The following FAM135B variants were observed in gnomAD, a reference collection of about 807,000 sequenced individuals.
FAM135B encodes family with sequence similarity 135 member B, also known as protein FAM135B.
In FAM135B, 43 loss-of-function variants were observed where a neutral mutation model predicts 127.7. That is an observed-to-expected ratio of 0.34 (90% CI 0.26 to 0.43). The LOEUF (loss-of-function observed/expected upper bound fraction) is 0.43. FAM135B is among the 20% of genes least tolerant of loss of function. The probability of loss-of-function intolerance (pLI) is 1.00; values close to 1 mark genes in which losing one functional copy is unlikely to be tolerated. For synonymous variants in FAM135B, 670 were observed against 665.1 expected (o/e 1.01, Z -0.11); for missense variants, 1,558 against 1,725.6 (o/e 0.90, Z 1.72).
intron 1 of FAM135B, among the ~76,000 whole-genome samples, chr8:138,483,309 C>T (rs1042343012): frequency 4.6e-5 from 7 of 152,192 alleles, no homozygotes; most frequent in Admixed American, 3.3e-4. Context: ...GGCTGAGCAA[C>T]CTGTCCTGGG....
chr8:138,418,435 C>T (rs13277602), intron 1 of FAM135B, among the ~76,000 whole-genome samples: 10,262 of 151,752 alleles, frequency 0.068, 784 homozygotes, highest in East Asian at 0.26. Flanking sequence ...TTCAGAAAAT[C>T]CAGAAAACTG....
intron 1 of FAM135B, among the ~76,000 whole-genome samples, chr8:138,371,677 C>T (rs368590073): frequency 9.9e-5 from 15 of 152,258 alleles, no homozygotes; most frequent in African/African-American, 2.6e-4. Flanking sequence ...GAACCTCCCA[C>T]GAAACATCAG....
In FAM135B at chr8:138,243,524, T is replaced by C. The variant is rs553008461; in HGVS notation, c.543-456A>G. ...AAGCATAAAACATCTTCCTCCATGATCCGCATGAGAGTCTAATACGATGTC... is the reference window on the plus strand; with the variant it reads ...AAGCATAAAACATCTTCCTCCATGACCCGCATGAGAGTCTAATACGATGTC... On this transcript the variant is annotated intron_variant, in intron 6 of 19. Coordinates refer to ENST00000395297, the MANE Select transcript of FAM135B (RefSeq NM_015912.4). The surrounding 1 kb of genome is among the most constrained non-coding windows in gnomAD (Gnocchi z 7.5). 6.6e-6 allele frequency among the ~76,000 whole-genome samples: 1 copy of C among 152,314 alleles called. No individual in the cohort carries two copies. The highest frequency in any genetic ancestry group is 2.4e-5 in the African/African-American group (1 of 41,564).
intron 19 of FAM135B, among the ~76,000 whole-genome samples, chr8:138,134,857 A>G (rs181559536): frequency 2.8e-4 from 42 of 152,348 alleles, no homozygotes; most frequent in Middle Eastern, 3.4e-3. Context: ...TAACAGGAAG[A>G]TTAATCAATT....
chr8:138,312,158 T>C (rs1826734753), intron 2 of FAM135B, among the ~76,000 whole-genome samples: 3 of 151,952 alleles, frequency 2.0e-5, no homozygotes, highest in African/African-American at 7.3e-5. Flanking sequence ...TGTTGGTCAG[T>C]CTGGTCTTGA....
intron 1 of FAM135B, among the ~76,000 whole-genome samples, chr8:138,496,410 TG>T (rs1319872178): frequency 6.6e-6 from 1 of 152,184 alleles, no homozygotes; most frequent in Non-Finnish European, 1.5e-5. Flanking sequence ...CTGGGACTCC[TG>T]GGGGGAACCC....
chr8:138,433,864 G>A (rs977988725), intron 1 of FAM135B, among the ~76,000 whole-genome samples: 2 of 152,176 alleles, frequency 1.3e-5, no homozygotes, highest in African/African-American at 2.4e-5. Flanking sequence ...AGGACAGAGA[G>A]GGTGAAGTCT....
chr8:138,337,476 AGG>A (rs1401958779), intron 2 of FAM135B, among the ~76,000 whole-genome samples: 1 of 151,094 alleles, frequency 6.6e-6, no homozygotes, highest in Non-Finnish European at 1.5e-5. Flanking sequence ...AGACAAACAG[AGG>A]GCCAAATCAT....
chr8:138,493,378 C>T (rs1241752091), intron 1 of FAM135B, among the ~76,000 whole-genome samples: 5 of 152,102 alleles, frequency 3.3e-5, no homozygotes, highest in African/African-American at 9.7e-5. Flanking sequence ...TTCTTCTTCT[C>T]TTGTAGAACT....
At chr8:138,461,742 A>G (rs1837132695) in intron 1 of FAM135B, among the ~76,000 whole-genome samples, 1 of 152,176 alleles carries the variant, frequency 6.6e-6, no homozygotes, top group South Asian at 2.1e-4. Context: ...ACAGACAACC[A>G]TGACTATTGG....
At chr8:138,291,730 T>C (rs547569648) in intron 3 of FAM135B, among the ~76,000 whole-genome samples, 1 of 152,200 alleles carries the variant, frequency 6.6e-6, no homozygotes, top group East Asian at 1.9e-4. Flanking sequence ...TTTGACAAAA[T>C]TCAACATCCT....
chr8:138,262,129 T>C (rs1050363114), intron 4 of FAM135B, among the ~76,000 whole-genome samples: 26 of 152,268 alleles, frequency 1.7e-4, no homozygotes, highest in African/African-American at 5.8e-4. Flanking sequence ...TAATGTGAAA[T>C]AGACTCCCCA....
At chr8:138,236,668 G>T (rs370755519) in intron 7 of FAM135B, among the ~76,000 whole-genome samples, 7 of 152,226 alleles carry the variant, frequency 4.6e-5, no homozygotes, top group African/African-American at 1.7e-4. Context: ...GGGCCATTCT[G>T]TGAATTGAAG....
intron 1 of FAM135B, among the ~76,000 whole-genome samples, chr8:138,442,952 C>T (rs1835891182): frequency 1.3e-5 from 2 of 152,126 alleles, no homozygotes; most frequent in African/African-American, 4.8e-5. Flanking sequence ...TGCACCTCCT[C>T]GTCCCTGTGT....
chr8:138,369,387 G>A (rs1375625493), intron 1 of FAM135B, among the ~76,000 whole-genome samples: 2 of 152,208 alleles, frequency 1.3e-5, no homozygotes, highest in Non-Finnish European at 1.5e-5. Context: ...CCTCACTGCA[G>A]TTAACAGGGT....
intron 3 of FAM135B, among the ~76,000 whole-genome samples, chr8:138,268,605 G>A (rs928242202): frequency 2.6e-5 from 4 of 152,050 alleles, no homozygotes; most frequent in Non-Finnish European, 5.9e-5. Flanking sequence ...CATTCCCATT[G>A]GGATTTTCCC....
rs1028592833 is a variant in FAM135B at position 138,148,863 on chromosome 8, G to C, written c.3282-177C>G. ...TGAGTGAAGCTTTGTTCTGAACAAGGAGGCAGGAAAGCACTCTATAAAAAC... is the reference window on the plus strand; with the variant it reads ...TGAGTGAAGCTTTGTTCTGAACAAGCAGGCAGGAAAGCACTCTATAAAAAC... On this transcript the variant is annotated intron_variant, in intron 13 of 19. Transcript: ENST00000395297. 8.7e-6 allele frequency: 4 copies of C among 459,322 alleles called. No individual in the cohort carries two copies. In the Admixed American group the frequency reaches 1.7e-4, roughly 19 times the overall value. The allele number at this position is 459,322 out of a possible 1,614,324, so 28.5% of individuals were successfully genotyped here.
At chr8:138,408,647 C>A (rs1236448767) in intron 1 of FAM135B, among the ~76,000 whole-genome samples, 1 of 152,116 alleles carries the variant, frequency 6.6e-6, no homozygotes, top group African/African-American at 2.4e-5. Context: ...AGGAAACTTA[C>A]AATCATGGCA....
chr8:138,371,413 A>G (rs1831112622), intron 1 of FAM135B, among the ~76,000 whole-genome samples: 1 of 152,104 alleles, frequency 6.6e-6, no homozygotes, highest in African/African-American at 2.4e-5. Context: ...AATCTTCATC[A>G]CACACACAAG....
Sources: gnomAD v4.1 joint callset for allele counts (sites outside exome capture counted in the v4.1 genomes callset) on GRCh38, gnomAD v4.1.1 for gene constraint, Gnocchi (gnomAD v3.1) non-coding constraint, MANE v1.5 for transcripts, NCBI Gene and HGNC (gene_info 2026-07-23, HGNC 2026-07-21) for gene names.